Variants in FHIT observed in about 807,000 individuals in gnomAD.
FHIT encodes the protein fragile histidine triad diadenosine triphosphatase, also known as bis(5'-adenosyl)-triphosphatase.
A neutral mutation model predicts 17.9 loss-of-function variants in FHIT; 19 were observed. That is an observed-to-expected ratio of 1.06 (90% confidence interval 0.74 to 1.56). The LOEUF (loss-of-function observed/expected upper bound fraction) is 1.56. FHIT is among the 40% of genes most tolerant of loss of function. FHIT has a pLI of 0.00. For missense variants in FHIT, 248 were observed against 189.2 expected, an observed-to-expected ratio of 1.31 and a Z score of -1.82; for synonymous variants, 81 against 69.7, an observed-to-expected ratio of 1.16 and a Z score of -0.81.
intron 5 of FHIT, among the ~76,000 whole-genome samples, chr3:60,426,771 A>G (rs541241115): frequency 3.3e-5 from 5 of 152,148 alleles, no homozygotes; most frequent in South Asian, 2.1e-4. Context: ...GCTCTTCCTC[A>G]TACCTACATC....
At chr3:61,076,568 G>C (rs1218955977) in intron 2 of FHIT, among the ~76,000 whole-genome samples, 1 of 152,084 alleles carries the variant, frequency 6.6e-6, no homozygotes, top group Non-Finnish European at 1.5e-5. Context: ...TTTTATATGG[G>C]AAGTCTGTTG....
At chr3:60,080,291 G>T (rs1459561335) in intron 5 of FHIT, among the ~76,000 whole-genome samples, 1 of 152,254 alleles carries the variant, frequency 6.6e-6, no homozygotes, top group East Asian at 1.9e-4. Context: ...TTGTGCTTGT[G>T]TATGGGGGTG....
intron 8 of FHIT, among the ~76,000 whole-genome samples, chr3:59,858,309 C>G (rs1362797817): frequency 4.7e-5 from 7 of 148,150 alleles, no homozygotes; most frequent in Non-Finnish European, 1.0e-4. Flanking sequence ...TCACTCCAAC[C>G]TCCACCTCCT....
chr3:60,470,058 T>TTCTTTCTCTCTC (rs1323971036), intron 5 of FHIT, among the ~76,000 whole-genome samples: 1 of 142,942 alleles, frequency 7.0e-6, no homozygotes, highest in African/African-American at 2.7e-5. Context: ...CTCTCTTTCT[T>TTCTTTCTCTCTC]TCTCTCTCTC....
intron 8 of FHIT, among the ~76,000 whole-genome samples, chr3:59,899,535 A>G (rs1172497242): frequency 6.6e-6 from 1 of 152,146 alleles, no homozygotes; most frequent in African/African-American, 2.4e-5. Flanking sequence ...TGGAAGGTTT[A>G]AGAATCAGCT....
chr3:59,755,509 T>C (rs1375020642), intron 8 of FHIT, among the ~76,000 whole-genome samples: 2 of 152,196 alleles, frequency 1.3e-5, no homozygotes, highest in Admixed American at 6.5e-5. Context: ...AAAGGCAGTA[T>C]TTGCCGTGGG....
chr3:60,738,579 C>T (rs2042179312), intron 4 of FHIT, among the ~76,000 whole-genome samples: 1 of 152,200 alleles, frequency 6.6e-6, no homozygotes, highest in Admixed American at 6.5e-5. Flanking sequence ...CAGAGGCCAC[C>T]TTGATGCATT....
intron 3 of FHIT, among the ~76,000 whole-genome samples, chr3:61,030,383 T>C (rs1219577108): frequency 6.6e-6 from 1 of 152,246 alleles, no homozygotes; most frequent in Non-Finnish European, 1.5e-5. Flanking sequence ...TGCAGTGTCA[T>C]TTATGGTATG....
At chr3:61,095,675 T>C (rs1530092) in intron 2 of FHIT, among the ~76,000 whole-genome samples, 65,338 of 151,928 alleles carry the variant, frequency 0.43, 15,598 homozygotes, top group Non-Finnish European at 0.54. Context: ...CATCTTTCCC[T>C]ATCTCTCATT....
chr3:60,728,277 A>T (rs2041958160), intron 4 of FHIT, among the ~76,000 whole-genome samples: 1 of 152,190 alleles, frequency 6.6e-6, no homozygotes, highest in Non-Finnish European at 1.5e-5. Flanking sequence ...CTACTCCAAT[A>T]ACCCTGTCAA....
At chr3:61,025,381 T>G (rs553687318) in intron 3 of FHIT, among the ~76,000 whole-genome samples, 2 of 152,316 alleles carry the variant, frequency 1.3e-5, no homozygotes, top group South Asian at 4.1e-4. Context: ...CAAATGTCAC[T>G]CTATATGATT....
intron 7 of FHIT, among the ~76,000 whole-genome samples, chr3:59,972,605 T>C (rs998905169): frequency 2.6e-5 from 4 of 152,062 alleles, no homozygotes; most frequent in African/African-American, 9.7e-5. Flanking sequence ...CCCCAGATTC[T>C]GAACCAATCA....
At chr3:60,173,346 T>C (rs1294470782) in intron 5 of FHIT, among the ~76,000 whole-genome samples, 2 of 152,142 alleles carry the variant, frequency 1.3e-5, no homozygotes, top group African/African-American at 4.8e-5. Context: ...CTAATGATAC[T>C]TGTGGTAGTG....
chr3:60,980,319 C>G (rs1209698235), intron 3 of FHIT, among the ~76,000 whole-genome samples: 1 of 152,122 alleles, frequency 6.6e-6, no homozygotes, highest in African/African-American at 2.4e-5. Context: ...AGGGGAAAAA[C>G]ACCACAAAAA....
At chr3:59,968,587 T>C (rs931342935) in intron 7 of FHIT, among the ~76,000 whole-genome samples, 11 of 152,030 alleles carry the variant, frequency 7.2e-5, no homozygotes, top group African/African-American at 2.4e-4. Context: ...ATGCCTCTAG[T>C]GGTAATTCTG....
chr3:61,023,282 A>G (rs1321129585), intron 3 of FHIT, among the ~76,000 whole-genome samples: 4 of 152,246 alleles, frequency 2.6e-5, no homozygotes, highest in Admixed American at 2.0e-4. Flanking sequence ...AATACAACTT[A>G]CAAGGGATGT....
chr3:60,405,391 A>T (rs1195402472), intron 5 of FHIT, among the ~76,000 whole-genome samples: 1 of 152,166 alleles, frequency 6.6e-6, no homozygotes, highest in East Asian at 1.9e-4. Flanking sequence ...ACCCAGATAC[A>T]TGGGGGACTT....
intron 5 of FHIT, among the ~76,000 whole-genome samples, chr3:60,142,428 G>C (rs1181723525): frequency 6.6e-5 from 10 of 152,110 alleles, no homozygotes; most frequent in African/African-American, 2.2e-4. Context: ...GTAAATTGTT[G>C]CTTAAAATTT....
chr3:61,014,854 A>ATGTATATATATGCATGTATATATG (rs1374616405), intron 3 of FHIT, among the ~76,000 whole-genome samples: 1 of 144,578 alleles, frequency 6.9e-6, no homozygotes, highest in African/African-American at 2.5e-5. Flanking sequence ...ATGTATATAT[A>ATGTATATATATGCATGTATATATG]TGTATATATA....
Sources: allele counts gnomAD v4.1 joint callset (sites outside exome capture counted in the v4.1 genomes callset), GRCh38; gene constraint gnomAD v4.1.1; transcripts MANE v1.5; gene names NCBI Gene and HGNC (gene_info 2026-07-23, HGNC 2026-07-21).